GRM8: variants seen among roughly 807,000 people sequenced by gnomAD.
GRM8 encodes the protein metabotropic glutamate receptor 8.
Under a neutral mutation model 87.2 loss-of-function variants are expected in GRM8, and 47 were observed. The observed-to-expected ratio is 0.54, with a 90% CI of 0.43 to 0.69. GRM8 has a LOEUF of 0.69. GRM8 is among the 30% of genes least tolerant of loss of function. The pLI, the probability that GRM8 is intolerant of heterozygous loss-of-function variation, is 0.00. For synonymous variants in GRM8, 396 were observed against 404.5 expected (o/e 0.98, Z 0.25); for missense variants, 1,019 against 1,139.2 (o/e 0.89, Z 1.52).
intron 3 of GRM8, among the ~76,000 whole-genome samples, chr7:127,076,500 G>A (rs1822272335): frequency 6.6e-6 from 1 of 152,160 alleles, no homozygotes; most frequent in South Asian, 2.1e-4. Flanking sequence ...CTGCTCAGGA[G>A]GATTAGCGCC....
intron 8 of GRM8, among the ~76,000 whole-genome samples, chr7:126,537,851 A>G (rs1216951795): frequency 6.6e-6 from 1 of 152,206 alleles, no homozygotes; most frequent in Non-Finnish European, 1.5e-5. Context: ...CAACTGTTAC[A>G]AAGCATAAAC....
chr7:126,746,290 C>T (rs1815667425), intron 7 of GRM8, among the ~76,000 whole-genome samples: 1 of 151,586 alleles, frequency 6.6e-6, no homozygotes. Flanking sequence ...AAATTATATT[C>T]ATAAACTACA....
chr7:126,794,403 CTTAAAG>C (rs996852092), intron 6 of GRM8, among the ~76,000 whole-genome samples: 2 of 151,974 alleles, frequency 1.3e-5, no homozygotes, highest in African/African-American at 4.8e-5. Flanking sequence ...AAATGGGGTC[CTTAAAG>C]TTAACATACT....
At chr7:126,895,764 C>T (rs1407399182) in intron 6 of GRM8, among the ~76,000 whole-genome samples, 4 of 151,962 alleles carry the variant, frequency 2.6e-5, no homozygotes, top group Admixed American at 1.3e-4. Flanking sequence ...TAAAGGTTTA[C>T]GCTGTTCAAG....
intron 2 of GRM8, among the ~76,000 whole-genome samples, chr7:127,155,456 C>A (rs1380956821): frequency 1.3e-5 from 2 of 152,104 alleles, no homozygotes; most frequent in Admixed American, 6.6e-5. Flanking sequence ...CTTCATTGAA[C>A]AAATACATGA....
At chr7:127,116,048 CT>C (rs1354624846) in intron 2 of GRM8, among the ~76,000 whole-genome samples, 5 of 152,146 alleles carry the variant, frequency 3.3e-5, no homozygotes, top group African/African-American at 1.2e-4. Context: ...CCCAGGAATT[CT>C]AGGTGACAAT....
rs552442372 is a variant in GRM8 at position 127,105,095 on chromosome 7, A to G, written c.727+1401T>C. On this transcript the variant is annotated intron_variant, in intron 3 of 10. Transcript: ENST00000339582. ...GTAAGAACTGACATCAGCTGCTTAAATAATACATTAACCCTGTTTCCAGAA... is the reference window on the plus strand; with the variant it reads ...GTAAGAACTGACATCAGCTGCTTAAGTAATACATTAACCCTGTTTCCAGAA... Among the ~76,000 whole-genome samples, 7 of 152,342 alleles carry G rather than the reference A, an allele frequency of 4.6e-5. No individual in the cohort carries two copies. The South Asian group carries it at 1.4e-3, about 32-fold the overall frequency.
chr7:126,965,513 A>G (rs1272350048), intron 3 of GRM8, among the ~76,000 whole-genome samples: 1 of 152,140 alleles, frequency 6.6e-6, no homozygotes, highest in African/African-American at 2.4e-5. Flanking sequence ...ACATTTTAAA[A>G]AGTTTTTAAA....
At chr7:126,958,751 C>T (rs1306825498) in intron 3 of GRM8, among the ~76,000 whole-genome samples, 1 of 152,132 alleles carries the variant, frequency 6.6e-6, no homozygotes, top group Non-Finnish European at 1.5e-5. Context: ...CCCCAAGGAT[C>T]CTGTGACATT....
chr7:126,975,522 GTCTTA>G (rs1302439908), intron 3 of GRM8, among the ~76,000 whole-genome samples: 2 of 152,146 alleles, frequency 1.3e-5, no homozygotes, highest in African/African-American at 2.4e-5. Context: ...TAATCTGTTT[GTCTTA>G]TCAAGTTTAT....
intron 6 of GRM8, among the ~76,000 whole-genome samples, chr7:126,861,901 T>C (rs1193824574): frequency 3.3e-5 from 5 of 152,104 alleles, no homozygotes; most frequent in East Asian, 1.9e-4. Context: ...TATTTTGATA[T>C]ACTACAGCTT....
intron 9 of GRM8, among the ~76,000 whole-genome samples, chr7:126,483,448 TCTCCCTCCCTCCCTCC>T (rs533636162): frequency 7.2e-6 from 1 of 139,616 alleles, no homozygotes; most frequent in African/African-American, 2.8e-5. Context: ...TTCACTATTC[TCTCCCTCCCTCCCTCC>T]CTCCCTCCCT....
intron 9 of GRM8, among the ~76,000 whole-genome samples, chr7:126,517,338 A>C (rs537920059): frequency 6.6e-6 from 1 of 152,184 alleles, no homozygotes; most frequent in South Asian, 2.1e-4. Context: ...CCAACAAACG[A>C]GTAAGAAGAA....
chr7:127,129,169 A>C (rs1055358287), intron 2 of GRM8, among the ~76,000 whole-genome samples: 1 of 152,212 alleles, frequency 6.6e-6, no homozygotes, highest in Admixed American at 6.6e-5. Flanking sequence ...TAAAGTCAAC[A>C]TTCATATCCT....
chr7:127,081,241 C>T (rs1406560489), intron 3 of GRM8, among the ~76,000 whole-genome samples: 1 of 152,142 alleles, frequency 6.6e-6, no homozygotes, highest in Non-Finnish European at 1.5e-5. Flanking sequence ...GTATCCTGTG[C>T]CCCAGTCACA....
intron 9 of GRM8, among the ~76,000 whole-genome samples, chr7:126,490,670 G>A (rs1055736890): frequency 1.3e-5 from 2 of 151,942 alleles, no homozygotes; most frequent in African/African-American, 4.8e-5. Context: ...CACCTCTGCT[G>A]CCTCCCCTGT....
At chr7:126,904,805 ACTCT>A in intron 3 of GRM8, 122 bp from the exon 4 acceptor site, 1 of 824,184 alleles carries the variant, frequency 1.2e-6, no homozygotes, top group Non-Finnish European at 2.0e-6. Context: ...AATATGTGTC[ACTCT>A]CACCTATTAA....
At chr7:126,785,068 G>A (rs1989849) in intron 6 of GRM8, among the ~76,000 whole-genome samples, 54,562 of 151,942 alleles carry the variant, frequency 0.36, 11,416 homozygotes, top group Non-Finnish European at 0.47. Flanking sequence ...CTGGAGTGTA[G>A]TAGCTACTCA....
At chr7:126,582,425 A>T (rs1363165087) in intron 8 of GRM8, among the ~76,000 whole-genome samples, 1 of 152,210 alleles carries the variant, frequency 6.6e-6, no homozygotes, top group Non-Finnish European at 1.5e-5. Context: ...GAACAAAGCA[A>T]CCTCTATAAC....
Sources: gnomAD v4.1 joint callset for allele counts (sites outside exome capture counted in the v4.1 genomes callset) on GRCh38, gnomAD v4.1.1 for gene constraint, MANE v1.5 for transcripts, NCBI Gene and HGNC (gene_info 2026-07-23, HGNC 2026-07-21) for gene names.